Variants in KLHL17 observed in about 807,000 individuals in gnomAD.
The protein encoded by KLHL17 is kelch-like protein 17.
A neutral mutation model predicts 64.6 loss-of-function variants in KLHL17; 71 were observed. The observed-to-expected ratio is 1.10, with a 90% confidence interval of 0.91 to 1.34. KLHL17 has a LOEUF of 1.34. Among genes scored for constraint, KLHL17 ranks in the 40% most tolerant of loss-of-function variants. The pLI is 0.00. For missense variants in KLHL17, 1,140 were observed against 935.0 expected (o/e 1.22, Z -2.86); for synonymous variants, 612 against 405.4 (o/e 1.51, Z -6.12).
At position 964,436 on chromosome 1, in the gene KLHL17, G is replaced by A; in HGVS notation, c.1606G>A (p.Gly536Arg). 1.3e-6 allele frequency: 2 copies of A among 1,551,482 alleles called. No homozygotes were observed. The highest frequency in any genetic ancestry group is 1.7e-6 in the Non-Finnish European group (2 of 1,147,710). ...AVLEGALYVA[G>R]GNDGTSCLNS... ...GCTGGAGGGTGCCCTGTACGTGGCA[G>A]GGGGCAACGACGGCACCAGCTGCCT... Residue 536 changes from glycine to arginine, a missense_variant, in exon 11 of 12, where the codon GGG becomes AGG. Physicochemically the swap from Gly to Arg is moderately radical, Grantham distance 125 (BLOSUM62 -2). Coordinates refer to ENST00000338591, the MANE Select transcript of KLHL17 (RefSeq NM_198317.3).
In KLHL17 at chr1:965,319, A is replaced by G. The variant is rs945169345; in HGVS notation, c.*128A>G. 1.3e-5 allele frequency: 10 copies of G among 756,362 alleles called. No homozygotes were observed. The highest frequency in any genetic ancestry group is 3.5e-5 in the African/African-American group (2 of 56,344). 46.9% of individuals were successfully genotyped at this position (756,362 alleles called of 1,614,324 possible). A position where few individuals can be genotyped will look rare whatever the true frequency, so the allele number is the denominator to read the frequency against. ...CCTTCATGTCTTTATTTAGTTGTTTATTTATTTAGTTATTTATCTTATTTA... is the reference window on the plus strand; with the variant it reads ...CCTTCATGTCTTTATTTAGTTGTTTGTTTATTTAGTTATTTATCTTATTTA... On this transcript the variant is annotated 3_prime_UTR_variant, in exon 12 of 12. Coordinates refer to ENST00000338591, the MANE Select transcript of KLHL17 (RefSeq NM_198317.3).
Position 964,481 on chromosome 1 carries a change from A to G in KLHL17, c.1651A>G (p.Ser551Gly), listed in dbSNP as rs1164219247. The change falls in exon 11 of 12, where the codon AGT becomes GGT. Residue 551 changes from serine to glycine, a missense_variant. Ser to Gly is a moderately conservative substitution (Grantham distance 56). Coordinates refer to ENST00000338591, the MANE Select transcript of KLHL17 (RefSeq NM_198317.3). ...TSCLNSVERY[S>G]PKAGAWESVA... ...CTGCCTCAACTCGGTAGAGAGATAC[A>G]GTCCAAAGGCTGGAGCCTGGGAAAG... 6.5e-7 allele frequency: 1 copy of G among 1,540,460 alleles called. No individual in the cohort carries two copies. Among genetic ancestry groups the G allele is most frequent in the Non-Finnish European group, 8.8e-7 (1 of 1,142,204 alleles).
rs72891155 is a variant in KLHL17, at chr1:965,059, G to A, written c.1797G>A (p.Pro599=). The change falls in exon 12 of 12, where the codon CCG becomes CCA. Residue 599 remains proline (P), a synonymous_variant. Transcript: ENST00000338591. ...TCAACTCCATCGAGAAGTACAACCCGAGGACCAACAAGTGGGTGGCCGCAT... is the reference window on the plus strand; with the variant it reads ...TCAACTCCATCGAGAAGTACAACCCAAGGACCAACAAGTGGGTGGCCGCAT... ...SSLNSIEKYN[P]RTNKWVAASC... 796 of 1,612,648 alleles carry A rather than the reference G, an allele frequency of 4.9e-4. 2 individuals are homozygous for A. The African/African-American group carries it at 9.6e-3, about 20-fold the overall frequency.
At position 962,868 on chromosome 1, in the gene KLHL17, C is replaced by T. The variant is rs977030473; in HGVS notation, c.993C>T (p.Arg331=). The change falls in exon 6 of 12, where the codon CGC becomes CGT. Residue 331 remains arginine (R), a synonymous_variant. Coordinates refer to ENST00000338591, the MANE Select transcript of KLHL17 (RefSeq NM_198317.3). The part of the protein sequence containing the change: ...PEQRGVLGTS[R]TRPRRCEGAG... Reference sequence around the variant, plus strand: ...AGAGGGGCGTCCTAGGCACCAGCCGCACACGTCCCCGGCGCTGCGAGGGGG... The same window carrying T: ...AGAGGGGCGTCCTAGGCACCAGCCGTACACGTCCCCGGCGCTGCGAGGGGG... The T allele has an allele frequency of 5.7e-6, 9 of 1,586,076 alleles. No homozygotes were observed. Among genetic ancestry groups the T allele is most frequent in the Non-Finnish European group, 6.8e-6 (8 of 1,170,752 alleles).
Position 965,577 on chromosome 1 carries a change from A to ATCT in KLHL17, c.*386_*387insTCT. On this transcript the variant is annotated 3_prime_UTR_variant, in exon 12 of 12. Transcript: ENST00000338591. Reference sequence around the variant, plus strand: ...ATTTTGCACATGGCGGGGTCCCGGGAAGGGTGGGGAGCAGTTGTCCTTCCT... The same window carrying ATCT: ...ATTTTGCACATGGCGGGGTCCCGGGATCTAGGGTGGGGAGCAGTTGTCCTTCCT... 3.8e-6 allele frequency: 1 copy of ATCT among 260,118 alleles called. No individual in the cohort carries two copies. The highest frequency in any genetic ancestry group is 7.3e-6 in the Non-Finnish European group (1 of 136,082). The allele number at this position is 260,118 out of a possible 1,614,324, so 16.1% of individuals were successfully genotyped here.
At chr1:964,298 A>G in intron 10 of KLHL17, 51 bp from the exon 11 acceptor site, 1 of 1,580,408 alleles carries the variant, frequency 6.3e-7, no homozygotes, top group Non-Finnish European at 8.6e-7. Flanking sequence ...GCTGCGGCAG[A>G]GGAGGGATGC....
chr1:961,918 C>G lies in KLHL17; in HGVS notation c.582C>G (p.Cys194Trp). Reference sequence around the variant, plus strand: ...TGAGTCAGCTCGACCCCTCCAACTGCCTGGGTATCCGGGGCTTTGCCGATG... The same window carrying G: ...TGAGTCAGCTCGACCCCTCCAACTGGCTGGGTATCCGGGGCTTTGCCGATG... ...FLLSQLDPSN[C>W]LGIRGFADAH... Residue 194 changes from cysteine to tryptophan, a missense_variant, in exon 4 of 12, where the codon TGC (cysteine) becomes TGG (tryptophan). Transcript: ENST00000338591. 6.2e-7 allele frequency: 1 copy of G among 1,612,974 alleles called. No individual in the cohort carries two copies. The highest frequency in any genetic ancestry group is 8.5e-7 in the Non-Finnish European group (1 of 1,180,012).
Position 961,957 on chromosome 1 carries a change from C to T in KLHL17, c.621C>T (p.Ser207=), listed in dbSNP as rs115985665. ...IRGFADAHSC[S]DLLKAAHRYV... Reference sequence around the variant, plus strand: ...GCTTTGCCGATGCGCACTCCTGCAGCGACCTGCTCAAGGCCGCCCACAGGT... The same window carrying T: ...GCTTTGCCGATGCGCACTCCTGCAGTGACCTGCTCAAGGCCGCCCACAGGT... Residue 207 remains serine (S), a synonymous_variant, in exon 4 of 12, where the codon AGC becomes AGT. Transcript: ENST00000338591. The T allele has an allele frequency of 1.1e-3, 1,747 of 1,612,920 alleles. 15 individuals carry two copies. In the African/African-American group the frequency reaches 0.019, roughly 18 times the overall value.
Position 965,520 on chromosome 1 carries a change from GT to G in KLHL17, c.*330del. On this transcript the variant is annotated 3_prime_UTR_variant, in exon 12 of 12. Coordinates refer to ENST00000338591, the MANE Select transcript of KLHL17 (RefSeq NM_198317.3). ...CAGGCTGTGGAGCAAGAGGCCCTGGGTCTCTCCAAGCAGCTGCAGACCCCAG... is the reference window on the plus strand; with the variant it reads ...CAGGCTGTGGAGCAAGAGGCCCTGGGCTCTCCAAGCAGCTGCAGACCCCAG... The G allele has an allele frequency of 2.7e-6, 1 of 370,182 alleles. No individual in the cohort carries two copies. The highest frequency in any genetic ancestry group is 4.8e-5 in the East Asian group (1 of 20,902). 22.9% of individuals were successfully genotyped at this position (370,182 alleles called of 1,614,324 possible).
Position 962,467 on chromosome 1 carries a change from C to G in KLHL17, c.824C>G (p.Pro275Arg). ...HDVDARRQHV[P>R]RLMKCVRLPL... is the part of the protein sequence containing the mutation. ...GTGGACGCCCGCAGGCAGCATGTCC[C>G]ACGGGTGAGGCGCGGCCGCGGGGGG... The change falls in exon 5 of 12, where the codon CCA becomes CGA. Residue 275 changes from proline (P) to arginine (R), a missense_variant. By Grantham distance (103) the Pro-to-Arg change is moderately radical (BLOSUM62 -2). Coordinates refer to ENST00000338591, the MANE Select transcript of KLHL17 (RefSeq NM_198317.3). The G allele has an allele frequency of 6.2e-7, 1 of 1,612,492 alleles. No individual in the cohort carries two copies. Among genetic ancestry groups the G allele is most frequent in the African/African-American group, 1.3e-5 (1 of 75,050 alleles).
In KLHL17 at chr1:961,329, G is replaced by T; in HGVS notation, c.144G>T (p.Arg48=). Residue 48 remains arginine, a synonymous_variant, in exon 2 of 12, where the codon CGG becomes CGT. Coordinates refer to ENST00000338591, the MANE Select transcript of KLHL17 (RefSeq NM_198317.3). The stretch of plus-strand genomic sequence containing the variant: ...AGCGCACGCGGCCCCGGCAGGCTCG[G>T]CCCGCAGCCCCCATGGAGGGAGCCG... ...EAERTRPRQA[R]PAAPMEGAVQ... The T allele has an allele frequency of 6.5e-7, 1 of 1,546,654 alleles. No homozygotes were observed. Among genetic ancestry groups the T allele is most frequent in the South Asian group, 1.2e-5 (1 of 85,788 alleles).
At position 962,723 on chromosome 1, in the gene KLHL17, T is replaced by C; in HGVS notation, c.848T>C (p.Leu283Pro). 1 of 1,605,994 alleles carries C rather than the reference T, an allele frequency of 6.2e-7. No homozygotes were observed. Among genetic ancestry groups the C allele is most frequent in the Non-Finnish European group, 8.5e-7 (1 of 1,178,148 alleles). The change falls in exon 6 of 12, where the codon CTG (leucine) becomes CCG (proline). Residue 283 changes from leucine to proline, a missense_variant. Physicochemically the swap from Leu to Pro is moderately conservative, Grantham distance 98 (BLOSUM62 -3). Transcript: ENST00000338591. ...CCCCAGCTCATGAAGTGTGTGCGGC[T>C]GCCCTTGCTGAGCCGCGACTTCCTG... is the stretch of plus-strand genomic sequence containing the variant. ...HVPRLMKCVR[L>P]PLLSRDFLLG...
intron 1 of KLHL17, 24 bp downstream of exon 1, chr1:960,824 C>CG (rs944633160): frequency 9.1e-6 from 9 of 987,846 alleles, no homozygotes; most frequent in East Asian, 1.1e-4. Context: ...GGTCGGGGCG[C>CG]GGGGGGCGGC....
intron 1 of KLHL17, 109 bp downstream of exon 1, chr1:960,909 G>T: frequency 1.2e-6 from 1 of 809,236 alleles, no homozygotes; most frequent in Non-Finnish European, 1.5e-6. Flanking sequence ...GGCCGGGGGA[G>T]GTCGGGACTC....
At position 965,630 on chromosome 1, in the gene KLHL17, C is replaced by T. The variant is rs1642922237; in HGVS notation, c.*439C>T. 5.0e-6 allele frequency: 1 copy of T among 199,994 alleles called. No individual in the cohort carries two copies. The highest frequency in any genetic ancestry group is 1.3e-4 in the East Asian group (1 of 7,428). The allele number at this position is 199,994 out of a possible 1,614,324, so 12.4% of individuals were successfully genotyped here. A position where few individuals can be genotyped will look rare whatever the true frequency, so the allele number is the denominator to read the frequency against. On this transcript the variant is annotated 3_prime_UTR_variant, in exon 12 of 12. Coordinates refer to ENST00000338591, the MANE Select transcript of KLHL17 (RefSeq NM_198317.3). ...CGTCGTCTGCCGTGTGCCATCTTTC[C>T]TGGATCTTGTAGTGGGTGCACACGC...
At chr1:963,802 C>T (rs1209893696) in intron 8 of KLHL17, 118 bp from the exon 9 acceptor site, 28 of 1,186,760 alleles carry the variant, frequency 2.4e-5, no homozygotes, top group African/African-American at 9.0e-5. Context: ...TAGGACTTTG[C>T]GGTCTGAGTT....
rs1355688125 is a variant in KLHL17 at position 964,946 on chromosome 1, C to T, written c.1701-17C>T. On this transcript the variant is annotated splice_polypyrimidine_tract_variant and intron_variant, in intron 11 of 11. Coordinates refer to ENST00000338591, the MANE Select transcript of KLHL17 (RefSeq NM_198317.3). ...ATCCCTTCCTGCAGCCAGGGGCTCACCCCGCCTTCCCCCCAGGAGCACGCA... is the reference window on the plus strand; with the variant it reads ...ATCCCTTCCTGCAGCCAGGGGCTCATCCCGCCTTCCCCCCAGGAGCACGCA... 1.3e-6 allele frequency: 2 copies of T among 1,568,956 alleles called. No homozygotes were observed. Among genetic ancestry groups the T allele is most frequent in the Non-Finnish European group, 1.7e-6 (2 of 1,149,908 alleles).
chr1:965,608 C>T lies in KLHL17; in HGVS notation c.*417C>T, dbSNP rs537289754. 6.2e-5 allele frequency: 13 copies of T among 210,522 alleles called. No homozygotes were observed. Among genetic ancestry groups the T allele is most frequent in the South Asian group, 2.1e-4 (2 of 9,464 alleles). 13.0% of individuals were successfully genotyped at this position (210,522 alleles called of 1,614,324 possible). A position where few individuals can be genotyped will look rare whatever the true frequency, so the allele number is the denominator to read the frequency against. ...GGGGAGCAGTTGTCCTTCCTGTCGT[C>T]GTCTGCCGTGTGCCATCTTTCCTGG... On this transcript the variant is annotated 3_prime_UTR_variant, in exon 12 of 12. Transcript: ENST00000338591.
At chr1:962,168 G>A (rs1421896442) in intron 4 of KLHL17, 121 bp downstream of exon 4, 10 of 1,271,630 alleles carry the variant, frequency 7.9e-6, no homozygotes, top group Non-Finnish European at 1.1e-5. Flanking sequence ...TGCCTGCTGT[G>A]TGTCCCCGAG....
Sources: gnomAD v4.1 joint callset for allele counts on GRCh38, gnomAD v4.1.1 for gene constraint, MANE v1.5 for transcripts, NCBI Gene and HGNC (gene_info 2026-07-23, HGNC 2026-07-21) for gene names.